The following ANXA7 variants were observed in gnomAD, a reference collection of about 807,000 sequenced individuals.
ANXA7 encodes annexin VII.
Under a neutral mutation model 64.9 loss-of-function variants are expected in ANXA7, and 55 were observed. The observed-to-expected ratio is 0.85, with a 90% CI of 0.68 to 1.06. The LOEUF (loss-of-function observed/expected upper bound fraction) is 1.06. Ranked by LOEUF, ANXA7 falls within the 50% of genes least tolerant of loss-of-function variation. The pLI is 0.00. For synonymous variants in ANXA7, 200 were observed against 192.4 expected (o/e 1.04, Z -0.33); for missense variants, 548 against 582.1 (o/e 0.94, Z 0.60).
At chr10:73,377,773 G>GGGGGGTGTGTGTGTGTGT (rs1554815379) in intron 12 of ANXA7, among the ~76,000 whole-genome samples, 16 of 124,842 alleles carry the variant, frequency 1.3e-4, no homozygotes, top group African/African-American at 2.2e-4. Flanking sequence ...GGTGGGTGTG[G>GGGGGGTGTGTGTGTGTGT]GTGTGTGTGT....
chr10:73,413,160 C>T (rs1309444745), intron 1 of ANXA7, among the ~76,000 whole-genome samples: 5 of 151,688 alleles, frequency 3.3e-5, no homozygotes, highest in Admixed American at 3.3e-4. Context: ...CCAGTGAGGA[C>T]TGAAAGACAG....
chr10:73,375,236 C>CA lies in ANXA7; in HGVS notation c.*858_*859insT, dbSNP rs2055151901. The CA allele has an allele frequency of 6.6e-6, 1 of 152,068 alleles. No homozygotes were observed. Among genetic ancestry groups the CA allele is most frequent in the Non-Finnish European group, 1.5e-5 (1 of 68,012 alleles). 9.4% of individuals were successfully genotyped at this position (152,068 alleles called of 1,614,324 possible). A position where few individuals can be genotyped will look rare whatever the true frequency, so the allele number is the denominator to read the frequency against. On this transcript the variant is annotated 3_prime_UTR_variant, in exon 13 of 13. Transcript: ENST00000372921. ...CTTTCAGTTATAAAACGAATAAATG[C>CA]TAGAGGTTTAATGTAGAGCACAGTA...
At chr10:73,388,437 C>A (rs1482481807) in intron 5 of ANXA7, 23 bp from the exon 6 acceptor site, 1 of 1,565,968 alleles carries the variant, frequency 6.4e-7, no homozygotes, top group Admixed American at 1.7e-5. Context: ...GGCATAAAAT[C>A]CGTGTCAGCA....
chr10:73,407,057 C>T (rs146667936), intron 1 of ANXA7, among the ~76,000 whole-genome samples: 3 of 152,232 alleles, frequency 2.0e-5, no homozygotes, highest in South Asian at 2.1e-4. Context: ...CTTTGAACAA[C>T]GTAGTTGACT....
At chr10:73,396,903 TG>T (rs2055584860) in intron 4 of ANXA7, among the ~76,000 whole-genome samples, 1 of 151,770 alleles carries the variant, frequency 6.6e-6, no homozygotes, top group African/African-American at 2.4e-5. Flanking sequence ...GGTACAGGAG[TG>T]GGCAGAGAAG....
rs1187145341 is a variant in ANXA7, at chr10:73,396,560, G to GC, written c.393dup (p.Pro132AlafsTer13). 1.2e-6 allele frequency: 2 copies of GC among 1,610,682 alleles called. No individual in the cohort carries two copies. Among genetic ancestry groups the GC allele is most frequent in the East Asian group, 4.5e-5 (2 of 44,524 alleles). On this transcript the variant is annotated frameshift_variant, in exon 5 of 13. Coordinates refer to ENST00000372921, the MANE Select transcript of ANXA7 (RefSeq NM_001156.5). LOFTEE classifies it high-confidence loss of function. ...GGTTGTCCTCCAGGATACTGAGAAG[G>GC]CATCTGTCCTCCAGGAAAGCCACCT...
chr10:73,376,166 G>A lies in ANXA7; in HGVS notation c.1330C>T (p.Leu444=). Residue 444 remains leucine, a synonymous_variant, in exon 13 of 13, where the codon CTG becomes TTG. Coordinates refer to ENST00000372921, the MANE Select transcript of ANXA7 (RefSeq NM_001156.5). ...QMFAQMYQKT[L]GTMIAGDTSG... ...GTGTCACCTGCAATCATTGTGCCCA[G>A]AGTCTTCTGATACATCTGAGCGAAC... 1 of 1,607,654 alleles carries A rather than the reference G, an allele frequency of 6.2e-7. No homozygotes were observed. The highest frequency in any genetic ancestry group is 8.5e-7 in the Non-Finnish European group (1 of 1,177,130).
At chr10:73,383,728 T>A (rs1307564609) in intron 7 of ANXA7, 38 bp from the exon 8 acceptor site, 2 of 1,329,368 alleles carry the variant, frequency 1.5e-6, no homozygotes, top group Admixed American at 3.8e-5. Context: ...ATATGTGTTC[T>A]CCAAATTTTG....
chr10:73,397,892 T>A (rs2055601370), intron 3 of ANXA7, among the ~76,000 whole-genome samples: 1 of 152,234 alleles, frequency 6.6e-6, no homozygotes, highest in South Asian at 2.1e-4. Context: ...TTGAAATGTC[T>A]TAATCAGGTC....
intron 12 of ANXA7, among the ~76,000 whole-genome samples, chr10:73,376,557 G>C (rs1477246216): frequency 6.6e-6 from 1 of 152,200 alleles, no homozygotes; most frequent in Non-Finnish European, 1.5e-5. Flanking sequence ...TTGTACACAG[G>C]TTGATGGAAA....
At chr10:73,398,903 T>C (rs1330908412) in intron 2 of ANXA7, among the ~76,000 whole-genome samples, 1 of 152,192 alleles carries the variant, frequency 6.6e-6, no homozygotes, top group Non-Finnish European at 1.5e-5. Context: ...GCAGAGATTG[T>C]TGCATGTTCA....
chr10:73,398,447 A>C, intron 2 of ANXA7, 62 bp from the exon 3 acceptor site: 1 of 1,435,590 alleles, frequency 7.0e-7, no homozygotes, highest in Non-Finnish European at 9.5e-7. Flanking sequence ...CCATCTAAAA[A>C]TAAGGAACAA....
intron 7 of ANXA7, among the ~76,000 whole-genome samples, chr10:73,385,443 T>C (rs891122246): frequency 2.0e-5 from 3 of 152,020 alleles, no homozygotes; most frequent in Non-Finnish European, 4.4e-5. Flanking sequence ...AAGAAACATT[T>C]TAAAGGGCCA....
intron 1 of ANXA7, among the ~76,000 whole-genome samples, chr10:73,409,034 G>T (rs1210181153): frequency 6.6e-6 from 1 of 152,090 alleles, no homozygotes; most frequent in Non-Finnish European, 1.5e-5. Flanking sequence ...AATAATAAAA[G>T]CCATATATGA....
intron 11 of ANXA7, 122 bp downstream of exon 11, chr10:73,379,757 T>C: frequency 1.1e-6 from 1 of 936,370 alleles, no homozygotes; most frequent in East Asian, 2.4e-5. Flanking sequence ...CCCAAAGGAT[T>C]AGATCAGCTA....
rs547542730 is a variant in ANXA7, at chr10:73,379,820, C to G, written c.1165+59G>C. The G allele has an allele frequency of 6.9e-6, 10 of 1,458,162 alleles. No homozygotes were observed. The African/African-American group carries it at 1.4e-4, about 20-fold the overall frequency. The allele number at this position is 1,458,162 out of a possible 1,614,324, so 90.3% of individuals were successfully genotyped here. On this transcript the variant is annotated intron_variant, in intron 11 of 12. Coordinates refer to ENST00000372921, the MANE Select transcript of ANXA7 (RefSeq NM_001156.5). Reference sequence around the variant, plus strand: ...TATTATCAACATTTAATGGGAACAACTATTCAAAGCTCCCACTCATTTAAA... The same window carrying G: ...TATTATCAACATTTAATGGGAACAAGTATTCAAAGCTCCCACTCATTTAAA...
intron 9 of ANXA7, among the ~76,000 whole-genome samples, chr10:73,380,618 C>T (rs2055260629): frequency 1.3e-5 from 2 of 152,178 alleles, no homozygotes; most frequent in South Asian, 4.1e-4. Context: ...GTCTGTCATG[C>T]ATATGCTTCA....
intron 5 of ANXA7, among the ~76,000 whole-genome samples, chr10:73,392,685 A>T (rs1407525097): frequency 6.6e-6 from 1 of 152,230 alleles, no homozygotes; most frequent in East Asian, 1.9e-4. Context: ...TAAATTAGGT[A>T]TTGATGGGAC....
At chr10:73,406,437 A>G (rs1488896793) in intron 1 of ANXA7, among the ~76,000 whole-genome samples, 1 of 152,168 alleles carries the variant, frequency 6.6e-6, no homozygotes, top group Non-Finnish European at 1.5e-5. Flanking sequence ...CACTAGCTAA[A>G]CTTTCCTAAA....
Sources: allele counts gnomAD v4.1 joint callset (sites outside exome capture counted in the v4.1 genomes callset), GRCh38; gene constraint gnomAD v4.1.1; transcripts MANE v1.5; gene names NCBI Gene and HGNC (gene_info 2026-07-23, HGNC 2026-07-21).